The following DCTN4 variants were observed in gnomAD, a reference collection of about 807,000 sequenced individuals.
DCTN4 encodes dynactin subunit 4, also known as dynactin 4 (p62).
DCTN4 carries 23 observed loss-of-function variants against 62.7 expected under a neutral mutation model. That is an observed-to-expected ratio of 0.37 (90% CI 0.26 to 0.52). The LOEUF (loss-of-function observed/expected upper bound fraction) is 0.52, where lower values mean the gene tolerates loss of function less well. Among genes scored for constraint, DCTN4 ranks in the 20% least tolerant of loss-of-function variants. DCTN4 has a pLI of 0.92. For missense variants in DCTN4, 514 were observed against 580.4 expected, an observed-to-expected ratio of 0.89 and a Z score of 1.18; for synonymous variants, 199 against 202.1, an observed-to-expected ratio of 0.98 and a Z score of 0.13.
chr5:150,757,692 C>T (rs1294177698), intron 1 of DCTN4, among the ~76,000 whole-genome samples: 2 of 152,024 alleles, frequency 1.3e-5, no homozygotes. Context: ...TTAATATATA[C>T]GATTTTTCTT....
At position 150,722,968 on chromosome 5, in the gene DCTN4, T is replaced by C. The variant is rs1233173309; in HGVS notation, c.847A>G (p.Asn283Asp). The change falls in exon 9 of 13, where the codon AAT becomes GAT. Residue 283 changes from asparagine (N) to aspartate (D), a missense_variant. By Grantham distance (23) the Asn-to-Asp change is conservative. Transcript: ENST00000447998. ...RSLRCRKCEH[N>D]LSKPEFNPTS... ...GGGTTAAATTCTGGCTTGCTCAAATTATGTTCACATTTCTAAAAAGAAAAC... is the reference window on the plus strand; with the variant it reads ...GGGTTAAATTCTGGCTTGCTCAAATCATGTTCACATTTCTAAAAAGAAAAC... 1.9e-6 allele frequency: 3 copies of C among 1,610,656 alleles called. No individual in the cohort carries two copies. The highest frequency in any genetic ancestry group is 1.7e-6 in the Non-Finnish European group (2 of 1,177,684).
chr5:150,713,329 T>C (rs1759636405), intron 12 of DCTN4, among the ~76,000 whole-genome samples: 1 of 152,206 alleles, frequency 6.6e-6, no homozygotes, highest in Admixed American at 6.5e-5. Flanking sequence ...GGGTCTGGAA[T>C]GCTATCGAAC....
chr5:150,736,894 A>G (rs976212674), intron 4 of DCTN4, among the ~76,000 whole-genome samples: 1 of 152,230 alleles, frequency 6.6e-6, no homozygotes, highest in Non-Finnish European at 1.5e-5. Context: ...AAGGACTCAC[A>G]TAAACTTATG....
chr5:150,711,065 G>T lies in DCTN4; in HGVS notation c.*84C>A. 7.8e-7 allele frequency: 1 copy of T among 1,287,110 alleles called. No homozygotes were observed. Among genetic ancestry groups the T allele is most frequent in the Non-Finnish European group, 1.1e-6 (1 of 899,644 alleles). The allele number at this position is 1,287,110 out of a possible 1,614,324, so 79.7% of individuals were successfully genotyped here. A position where few individuals can be genotyped will look rare whatever the true frequency, so the allele number is the denominator to read the frequency against. ...TGCATGGGTACATCGTTATAAACAA[G>T]GCCTAATGAAGCAGCAGCTTCCACA... On this transcript the variant is annotated 3_prime_UTR_variant, in exon 13 of 13. Transcript: ENST00000447998.
intron 8 of DCTN4, among the ~76,000 whole-genome samples, chr5:150,728,552 C>T (rs1010826807): frequency 1.3e-5 from 2 of 152,056 alleles, no homozygotes; most frequent in African/African-American, 4.8e-5. Flanking sequence ...TCAAATGTCG[C>T]TTTATATATT....
chr5:150,754,192 C>A (rs1377608114), intron 2 of DCTN4, among the ~76,000 whole-genome samples: 1 of 152,212 alleles, frequency 6.6e-6, no homozygotes, highest in East Asian at 1.9e-4. Context: ...TAGTGCTCAG[C>A]CAACATTTCT....
intron 8 of DCTN4, among the ~76,000 whole-genome samples, chr5:150,727,775 C>A (rs1234792392): frequency 1.6e-3 from 129 of 82,358 alleles, no homozygotes; most frequent in South Asian, 2.8e-3. Context: ...GACTCCGTCT[C>A]AAAAAAAAAA....
chr5:150,751,781 A>G (rs1355644584), intron 3 of DCTN4, among the ~76,000 whole-genome samples: 1 of 152,188 alleles, frequency 6.6e-6, no homozygotes, highest in East Asian at 1.9e-4. Context: ...TATCAACTCA[A>G]TGTACAAAGT....
chr5:150,756,187 G>A (rs1404544843), intron 2 of DCTN4, among the ~76,000 whole-genome samples: 10 of 151,890 alleles, frequency 6.6e-5, no homozygotes, highest in South Asian at 2.1e-4. Flanking sequence ...GACTACAGGC[G>A]CGTGCCACCA....
chr5:150,741,314 A>G (rs904627640), intron 4 of DCTN4, among the ~76,000 whole-genome samples: 3 of 152,200 alleles, frequency 2.0e-5, no homozygotes, highest in Non-Finnish European at 4.4e-5. Context: ...TTACTCAGAG[A>G]AACAAATATA....
chr5:150,749,635 G>T (rs186042919), intron 3 of DCTN4, among the ~76,000 whole-genome samples: 73 of 151,296 alleles, frequency 4.8e-4, no homozygotes, highest in African/African-American at 1.8e-3. Context: ...GGGTAACATG[G>T]AGAAACCCCA....
chr5:150,720,441 T>C (rs142821627), intron 9 of DCTN4, among the ~76,000 whole-genome samples: 2 of 151,726 alleles, frequency 1.3e-5, no homozygotes, highest in Admixed American at 6.6e-5. Flanking sequence ...TTCTAAGAAT[T>C]TGAATTCAGT....
chr5:150,739,710 A>G (rs12332656), intron 4 of DCTN4, among the ~76,000 whole-genome samples: 22,929 of 152,148 alleles, frequency 0.15, 3,122 homozygotes, highest in African/African-American at 0.36. Context: ...AACGCAGCAT[A>G]ATACTGGTAT....
At chr5:150,750,520 A>G (rs1265639577) in intron 3 of DCTN4, among the ~76,000 whole-genome samples, 2 of 152,208 alleles carry the variant, frequency 1.3e-5, no homozygotes, top group East Asian at 1.9e-4. Flanking sequence ...TCCAGCAGCT[A>G]TATTTTTTCA....
intron 12 of DCTN4, among the ~76,000 whole-genome samples, chr5:150,714,551 A>G (rs1561687141): frequency 7.0e-6 from 1 of 143,804 alleles, no homozygotes; most frequent in Non-Finnish European, 1.5e-5. Context: ...TATTTTTAAA[A>G]TTTTTTTGTA....
At chr5:150,724,788 T>C (rs1172696917) in intron 8 of DCTN4, among the ~76,000 whole-genome samples, 2 of 152,226 alleles carry the variant, frequency 1.3e-5, no homozygotes, top group Admixed American at 1.3e-4. Flanking sequence ...TTTGTTTATA[T>C]GTACATTTGT....
At chr5:150,736,046 C>A (rs1264614863) in intron 4 of DCTN4, among the ~76,000 whole-genome samples, 1 of 150,986 alleles carries the variant, frequency 6.6e-6, no homozygotes, top group African/African-American at 2.4e-5. Context: ...CCCAATCTGA[C>A]AAATACAAAG....
At chr5:150,755,021 T>C (rs934121357) in intron 2 of DCTN4, among the ~76,000 whole-genome samples, 1 of 151,800 alleles carries the variant, frequency 6.6e-6, no homozygotes, top group Non-Finnish European at 1.5e-5. Context: ...TATCTTGTAG[T>C]ACTGGTAAGA....
chr5:150,721,749 T>G (rs181127375), intron 9 of DCTN4, among the ~76,000 whole-genome samples: 3 of 152,370 alleles, frequency 2.0e-5, no homozygotes, highest in Admixed American at 2.0e-4. Context: ...ATTAAACTTT[T>G]GTTTGTCATG....
Sources: gnomAD v4.1 joint callset for allele counts (sites outside exome capture counted in the v4.1 genomes callset) on GRCh38, gnomAD v4.1.1 for gene constraint, MANE v1.5 for transcripts, NCBI Gene and HGNC (gene_info 2026-07-23, HGNC 2026-07-21) for gene names.